VPS35L: variants seen among roughly 807,000 people sequenced by gnomAD.
VPS35L encodes VPS35 endosomal protein-sorting factor-like.
Under a neutral mutation model 133.0 loss-of-function variants are expected in VPS35L, and 83 were observed. The ratio of observed to expected loss-of-function variants is 0.62; its 90% confidence interval spans 0.52 to 0.75. The LOEUF (loss-of-function observed/expected upper bound fraction) is 0.75. Ranked by LOEUF, VPS35L falls within the 30% of genes least tolerant of loss-of-function variation. The pLI, the probability that VPS35L is intolerant of heterozygous loss-of-function variation, is 0.00. For synonymous variants in VPS35L, 423 were observed against 449.9 expected (o/e 0.94, Z 0.76); for missense variants, 1,083 against 1,206.8 (o/e 0.90, Z 1.52).
chr16:19,627,155 T>C (rs1973290673), intron 15 of VPS35L, among the ~76,000 whole-genome samples: 1 of 151,898 alleles, frequency 6.6e-6, no homozygotes, highest in Admixed American at 6.6e-5. Flanking sequence ...TGGTGGCGCA[T>C]GCCTGTAATC....
intron 2 of VPS35L, among the ~76,000 whole-genome samples, chr16:19,565,470 G>A (rs559863558): frequency 6.6e-6 from 1 of 152,284 alleles, no homozygotes; most frequent in South Asian, 2.1e-4. Context: ...AGCCTCCTGA[G>A]TAGCTGGGAG....
intron 3 of VPS35L, 40 bp from the exon 4 acceptor site, chr16:19,573,079 A>T (rs750908031): frequency 6.3e-7 from 1 of 1,598,708 alleles, no homozygotes; most frequent in South Asian, 1.1e-5. Context: ...AAAGATCAAA[A>T]TGATATTGCT....
chr16:19,629,720 A>G (rs1352508224), intron 17 of VPS35L, 47 bp from the exon 18 acceptor site: 1 of 1,559,412 alleles, frequency 6.4e-7, no homozygotes, highest in African/African-American at 1.4e-5. Flanking sequence ...GCTGTAATGC[A>G]TACTATGTTG....
chr16:19,626,644 C>A (rs887630263), intron 15 of VPS35L, among the ~76,000 whole-genome samples: 1 of 151,956 alleles, frequency 6.6e-6, no homozygotes, highest in Admixed American at 6.6e-5. Context: ...TGCCTGTAGT[C>A]GCAGCTACTC....
intron 9 of VPS35L, among the ~76,000 whole-genome samples, chr16:19,602,332 A>G (rs1228135658): frequency 6.6e-6 from 1 of 152,104 alleles, no homozygotes; most frequent in Admixed American, 6.6e-5. Context: ...GAGCACTGCT[A>G]TGAGGAAACG....
chr16:19,558,131 A>C (rs1970919457), intron 1 of VPS35L, among the ~76,000 whole-genome samples: 1 of 152,242 alleles, frequency 6.6e-6, no homozygotes, highest in South Asian at 2.1e-4. Flanking sequence ...CTAGAACATA[A>C]TGGTGAGTGC....
In VPS35L at chr16:19,657,303, C is replaced by T. The variant is rs1974337894; in HGVS notation, c.2221+5213C>T. On this transcript the variant is annotated intron_variant, in intron 26 of 30. Transcript: ENST00000417362. Reference sequence around the variant, plus strand: ...TATTATCATTAATAATCATGCTTTTCCCACCTTCTGTAGGGATCTCCCCTG... The same window carrying T: ...TATTATCATTAATAATCATGCTTTTTCCACCTTCTGTAGGGATCTCCCCTG... 1.3e-5 allele frequency among the ~76,000 whole-genome samples: 2 copies of T among 152,052 alleles called. 1 individual carries two copies. Among genetic ancestry groups the T allele is most frequent in the Admixed American group, 1.3e-4 (2 of 15,268 alleles).
chr16:19,603,188 T>C (rs1972439723), intron 9 of VPS35L, among the ~76,000 whole-genome samples: 3 of 152,176 alleles, frequency 2.0e-5, no homozygotes, highest in Admixed American at 1.3e-4. Flanking sequence ...GGACCCATCT[T>C]GTTTCATCAG....
At chr16:19,562,637 A>C (rs140937052) in intron 1 of VPS35L, among the ~76,000 whole-genome samples, 1 of 152,350 alleles carries the variant, frequency 6.6e-6, no homozygotes, top group East Asian at 1.9e-4. Flanking sequence ...AAAAGATTTT[A>C]AACCATAACC....
chr16:19,631,498 T>C (rs1973455566), intron 18 of VPS35L, among the ~76,000 whole-genome samples: 1 of 152,142 alleles, frequency 6.6e-6, no homozygotes, highest in Non-Finnish European at 1.5e-5. Flanking sequence ...TTTTTTTTGG[T>C]CCTATTTTTA....
At chr16:19,641,110 G>A (rs1973774894) in intron 21 of VPS35L, among the ~76,000 whole-genome samples, 1 of 151,790 alleles carries the variant, frequency 6.6e-6, no homozygotes, top group Admixed American at 6.6e-5. Flanking sequence ...TGTCACCCAG[G>A]CTCGAGTGAA....
chr16:19,598,396 A>T (rs1567411018), intron 8 of VPS35L, among the ~76,000 whole-genome samples: 1 of 152,242 alleles, frequency 6.6e-6, no homozygotes, highest in Non-Finnish European at 1.5e-5. Context: ...TAAATCTAGG[A>T]TCAAGTGTTA....
chr16:19,627,830 T>C (rs761801478), intron 16 of VPS35L, 25 bp downstream of exon 16: 2 of 1,540,432 alleles, frequency 1.3e-6, no homozygotes, highest in Non-Finnish European at 9.0e-7. Flanking sequence ...TCATGCTCAG[T>C]AGGACACAAA....
chr16:19,644,249 C>T (rs1453796900), intron 22 of VPS35L, among the ~76,000 whole-genome samples: 1 of 152,054 alleles, frequency 6.6e-6, no homozygotes, highest in East Asian at 1.9e-4. Context: ...CTGAGATTTA[C>T]TTTACAATGT....
chr16:19,627,832 G>A, intron 16 of VPS35L, 27 bp downstream of exon 16: 2 of 1,536,028 alleles, frequency 1.3e-6, no homozygotes, highest in Non-Finnish European at 1.8e-6. Flanking sequence ...ATGCTCAGTA[G>A]GACACAAATA....
rs1003737691 is a variant in VPS35L at position 19,629,763 on chromosome 16, G to A, written c.1501-4G>A. On this transcript the variant is annotated splice_region_variant and splice_polypyrimidine_tract_variant and intron_variant, in intron 17 of 30. Coordinates refer to ENST00000417362, the MANE Select transcript of VPS35L (RefSeq NM_020314.7). ...TGTTAAGATGTTTTCCTTTCTCTTT[G>A]TAGGACTACATTAATTGTGCCGAAG... is the stretch of plus-strand genomic sequence containing the variant. 26 of 1,612,916 alleles carry A rather than the reference G, an allele frequency of 1.6e-5. No homozygotes were observed. The highest frequency in any genetic ancestry group is 1.0e-4 in the Admixed American group (6 of 59,982).
chr16:19,659,426 A>T (rs1225446101), intron 26 of VPS35L, among the ~76,000 whole-genome samples: 1 of 152,210 alleles, frequency 6.6e-6, no homozygotes, highest in Non-Finnish European at 1.5e-5. Context: ...TGGATTTTTC[A>T]CATTAAGTGT....
intron 26 of VPS35L, among the ~76,000 whole-genome samples, chr16:19,657,011 G>C (rs1974328037): frequency 6.9e-6 from 1 of 144,992 alleles, no homozygotes. Context: ...CGTCGTCCAG[G>C]CTGGACTGCA....
chr16:19,616,568 T>C, intron 13 of VPS35L, 118 bp from the exon 14 acceptor site: 1 of 1,267,746 alleles, frequency 7.9e-7, no homozygotes. Context: ...GAAACCAGGC[T>C]ATTTCTCTCA....
Sources: allele counts gnomAD v4.1 joint callset (sites outside exome capture counted in the v4.1 genomes callset), GRCh38; gene constraint gnomAD v4.1.1; transcripts MANE v1.5; gene names NCBI Gene and HGNC (gene_info 2026-07-23, HGNC 2026-07-21).